The following KIAA0825 variants were observed in gnomAD, a reference collection of about 807,000 sequenced individuals.
KIAA0825 encodes uncharacterized protein KIAA0825.
KIAA0825 carries 119 observed loss-of-function variants against 147.6 expected under a neutral mutation model. That is an observed-to-expected ratio of 0.81 (90% CI 0.69 to 0.94). KIAA0825 has a LOEUF of 0.94. Among genes scored for constraint, KIAA0825 ranks in the 40% least tolerant of loss-of-function variants. KIAA0825 has a pLI of 0.00. For missense variants in KIAA0825, 1,381 were observed against 1,472.7 expected (o/e 0.94, Z 1.02); for synonymous variants, 470 against 518.1 (o/e 0.91, Z 1.26).
intron 20 of KIAA0825, among the ~76,000 whole-genome samples, chr5:94,197,069 A>G (rs1458492803): frequency 6.6e-6 from 1 of 152,198 alleles, no homozygotes; most frequent in East Asian, 1.9e-4. Flanking sequence ...GACTGAACTA[A>G]TTTACATCCC....
intron 20 of KIAA0825, among the ~76,000 whole-genome samples, chr5:94,166,690 T>TAG (rs961890850): frequency 1.3e-4 from 19 of 151,958 alleles, no homozygotes; most frequent in African/African-American, 4.3e-4. Context: ...GTATTTTTAG[T>TAG]AGAGACGGGG....
chr5:94,377,743 G>T (rs1312916387), intron 20 of KIAA0825, among the ~76,000 whole-genome samples: 1 of 152,116 alleles, frequency 6.6e-6, no homozygotes, highest in Non-Finnish European at 1.5e-5. Flanking sequence ...TTTCTAAATT[G>T]AAACACATAT....
At chr5:94,384,565 G>C (rs2150526482) in intron 19 of KIAA0825, 107 bp from the exon 20 acceptor site, 2 of 849,980 alleles carry the variant, frequency 2.4e-6, no homozygotes, top group Middle Eastern at 2.5e-4. Context: ...AAGGAGGGGG[G>C]TCCAGAACAA....
At chr5:94,424,772 C>A (rs992788722) in intron 14 of KIAA0825, among the ~76,000 whole-genome samples, 3 of 151,770 alleles carry the variant, frequency 2.0e-5, no homozygotes, top group African/African-American at 7.3e-5. Context: ...GAGAAAAGAT[C>A]CAAATGAACA....
chr5:94,169,642 C>G (rs1210518807), intron 20 of KIAA0825, among the ~76,000 whole-genome samples: 1 of 151,298 alleles, frequency 6.6e-6, no homozygotes, highest in Non-Finnish European at 1.5e-5. Context: ...CTTTACTCTT[C>G]ATCGAGTCAC....
chr5:94,257,888 G>A (rs1182804197), intron 20 of KIAA0825, among the ~76,000 whole-genome samples: 2 of 152,020 alleles, frequency 1.3e-5, no homozygotes, highest in Non-Finnish European at 2.9e-5. Context: ...TCCCAATCAT[G>A]AAATGAATTG....
intron 20 of KIAA0825, among the ~76,000 whole-genome samples, chr5:94,177,186 CCAAT>C (rs571595263): frequency 8.6e-4 from 130 of 152,022 alleles, no homozygotes; most frequent in Middle Eastern, 3.4e-3. Flanking sequence ...AAAAATGTCA[CCAAT>C]CAAATATTAT....
chr5:94,529,831 A>C (rs1257005291), intron 3 of KIAA0825, among the ~76,000 whole-genome samples: 1 of 152,232 alleles, frequency 6.6e-6, no homozygotes, highest in African/African-American at 2.4e-5. Flanking sequence ...AAATGCAATA[A>C]ATACCTAAGA....
chr5:94,372,843 A>C (rs1293633381), intron 20 of KIAA0825, among the ~76,000 whole-genome samples: 1 of 152,168 alleles, frequency 6.6e-6, no homozygotes, highest in Non-Finnish European at 1.5e-5. Context: ...TCAGTCTGCA[A>C]ATTTTCCAAA....
chr5:94,597,505 T>G (rs145518753), intron 1 of KIAA0825, among the ~76,000 whole-genome samples: 1 of 152,270 alleles, frequency 6.6e-6, no homozygotes, highest in Non-Finnish European at 1.5e-5. Flanking sequence ...TTTCATATGA[T>G]GCATAAAAGT....
At chr5:94,461,569 A>G (rs1189170992) in intron 12 of KIAA0825, among the ~76,000 whole-genome samples, 2 of 151,962 alleles carry the variant, frequency 1.3e-5, no homozygotes, top group African/African-American at 4.8e-5. Flanking sequence ...GGGTTTATTG[A>G]AAGTCAGAGT....
Position 94,553,333 on chromosome 5 carries a change from G to C in KIAA0825, c.-1-16206C>G, listed in dbSNP as rs890070292. Among the ~76,000 whole-genome samples, 45 of 148,704 alleles carry C rather than the reference G, an allele frequency of 3.0e-4. 1 individual carries two copies. The highest frequency in any genetic ancestry group is 1.1e-3 in the African/African-American group (43 of 40,362). On this transcript the variant is annotated intron_variant, in intron 2 of 20. Coordinates refer to ENST00000682413, the MANE Select transcript of KIAA0825 (RefSeq NM_001145678.3). Reference sequence around the variant, plus strand: ...TTGGCGCTTGTAATCCCAGCTACTCGGGAGGCTGAGGCAGGAGAATCGCTT... The same window carrying C: ...TTGGCGCTTGTAATCCCAGCTACTCCGGAGGCTGAGGCAGGAGAATCGCTT...
At chr5:94,346,383 A>G (rs1029802388) in intron 20 of KIAA0825, among the ~76,000 whole-genome samples, 1 of 152,218 alleles carries the variant, frequency 6.6e-6, no homozygotes, top group African/African-American at 2.4e-5. Flanking sequence ...TTTTAAGATA[A>G]TGATTTTCCA....
At chr5:94,386,523 T>C in intron 18 of KIAA0825, 119 bp from the exon 19 acceptor site, 1 of 768,196 alleles carries the variant, frequency 1.3e-6, no homozygotes, top group Non-Finnish European at 2.1e-6. Flanking sequence ...AGTGTATTAC[T>C]TGCCTCAGGG....
chr5:94,615,826 T>C (rs1212258310), intron 1 of KIAA0825: 1 of 152,144 alleles, frequency 6.6e-6, no homozygotes, highest in Non-Finnish European at 1.5e-5. Context: ...TAAATGCTTA[T>C]TTTTTATTTT....
chr5:94,281,420 TG>T (rs1777460654), intron 20 of KIAA0825, among the ~76,000 whole-genome samples: 1 of 152,132 alleles, frequency 6.6e-6, no homozygotes, highest in Admixed American at 6.6e-5. Context: ...TAAAACCACC[TG>T]GGAAGATTTT....
At chr5:94,426,415 T>G (rs1332643402) in intron 14 of KIAA0825, among the ~76,000 whole-genome samples, 1 of 152,090 alleles carries the variant, frequency 6.6e-6, no homozygotes, top group Non-Finnish European at 1.5e-5. Flanking sequence ...GCAACATGGA[T>G]GGAACTGGTC....
Position 94,607,467 on chromosome 5 carries a change from T to A in KIAA0825, c.-153+11033A>T, listed in dbSNP as rs559574218. Among the ~76,000 whole-genome samples the A allele has an allele frequency of 9.3e-5, 14 of 150,178 alleles. No homozygotes were observed. In the East Asian group the frequency reaches 2.7e-3, roughly 29 times the overall value. On this transcript the variant is annotated intron_variant, in intron 1 of 20. Coordinates refer to ENST00000682413, the MANE Select transcript of KIAA0825 (RefSeq NM_001145678.3). ...CTACTAAAAATACAAAAATTATCTG[T>A]GCCTGGTGGCAGGTACCTATAATCC...
rs1216992456 is a variant in KIAA0825 at position 94,541,381 on chromosome 5, G to A, written c.-1-4254C>T. On this transcript the variant is annotated intron_variant, in intron 2 of 20. Coordinates refer to ENST00000682413, the MANE Select transcript of KIAA0825 (RefSeq NM_001145678.3). ...TATTGAAAAACAGTCTACACGCAAG[G>A]CCTGTAAGGAAAGTAGAATATGCTT... 3.9e-5 allele frequency among the ~76,000 whole-genome samples: 6 copies of A among 152,316 alleles called. No homozygotes were observed. In the East Asian group the frequency reaches 1.2e-3, roughly 29 times the overall value.
Sources: allele counts gnomAD v4.1 joint callset (sites outside exome capture counted in the v4.1 genomes callset), GRCh38; gene constraint gnomAD v4.1.1; transcripts MANE v1.5; gene names NCBI Gene and HGNC (gene_info 2026-07-23, HGNC 2026-07-21).